The following LRRC1 variants were observed in gnomAD, a reference collection of about 807,000 sequenced individuals.
The protein encoded by LRRC1 is leucine-rich repeat-containing protein 1.
In LRRC1, 28 loss-of-function variants were observed where a neutral mutation model predicts 69.9. The ratio of observed to expected loss-of-function variants is 0.40; its 90% CI spans 0.30 to 0.55. The LOEUF (loss-of-function observed/expected upper bound fraction) is 0.55, where lower values mean the gene tolerates loss of function less well. LRRC1 is among the 20% of genes least tolerant of loss of function. The pLI, the probability that LRRC1 is intolerant of heterozygous loss-of-function variation, is 0.47. For synonymous variants in LRRC1, 236 were observed against 240.2 expected (o/e 0.98, Z 0.16); for missense variants, 498 against 609.0 (o/e 0.82, Z 1.92).
intron 1 of LRRC1, among the ~76,000 whole-genome samples, chr6:53,816,142 T>G (rs1156940852): frequency 1.3e-5 from 2 of 152,230 alleles, no homozygotes; most frequent in African/African-American, 4.8e-5. Flanking sequence ...AGAGGCACTT[T>G]TTAAAAAAGT....
chr6:53,921,880 A>C (rs984534356), intron 13 of LRRC1, among the ~76,000 whole-genome samples: 4 of 152,182 alleles, frequency 2.6e-5, no homozygotes, highest in Non-Finnish European at 4.4e-5. Flanking sequence ...TGCTTACCTC[A>C]AGACTTCTTA....
intron 2 of LRRC1, among the ~76,000 whole-genome samples, chr6:53,863,878 T>C (rs1258140924): frequency 6.6e-6 from 1 of 152,170 alleles, no homozygotes; most frequent in Non-Finnish European, 1.5e-5. Flanking sequence ...TAAACAACAG[T>C]CCTTTTAAGT....
intron 6 of LRRC1, among the ~76,000 whole-genome samples, 168 bp from the exon 7 acceptor site, chr6:53,897,117 G>A: frequency 6.6e-6 from 1 of 152,196 alleles, no homozygotes; most frequent in South Asian, 2.1e-4. Flanking sequence ...TGGCATTCTT[G>A]GGGAAAGTTT....
At chr6:53,853,110 G>A (rs1766192335) in intron 2 of LRRC1, among the ~76,000 whole-genome samples, 1 of 152,072 alleles carries the variant, frequency 6.6e-6, no homozygotes, top group South Asian at 2.1e-4. Context: ...TCTTCCTCTA[G>A]TTGAGTGTCT....
At chr6:53,810,161 C>G (rs1360291413) in intron 1 of LRRC1, among the ~76,000 whole-genome samples, 1 of 152,206 alleles carries the variant, frequency 6.6e-6, no homozygotes, top group Non-Finnish European at 1.5e-5. Flanking sequence ...GGCAGGCAGA[C>G]AGTGAGAGCC....
intron 2 of LRRC1, among the ~76,000 whole-genome samples, chr6:53,866,693 T>C (rs1437558928): frequency 6.6e-6 from 1 of 152,168 alleles, no homozygotes; most frequent in East Asian, 1.9e-4. Flanking sequence ...GAAATAATTA[T>C]GAAACATTTT....
At chr6:53,823,218 T>C (rs79629774) in intron 1 of LRRC1, among the ~76,000 whole-genome samples, 8,266 of 152,264 alleles carry the variant, frequency 0.054, 301 homozygotes, top group Non-Finnish European at 0.079. Context: ...TAAGCTCCTA[T>C]TAGTATGGAC....
chr6:53,912,510 G>T (rs1768444212), intron 10 of LRRC1, among the ~76,000 whole-genome samples: 1 of 151,916 alleles, frequency 6.6e-6, no homozygotes. Context: ...TACATATCTG[G>T]GTGCTTTCCA....
chr6:53,922,290 C>A (rs957400766), intron 13 of LRRC1, among the ~76,000 whole-genome samples: 5 of 152,006 alleles, frequency 3.3e-5, no homozygotes, highest in Admixed American at 6.6e-5. Context: ...TTATCTTTTT[C>A]TTTCCCCACA....
intron 4 of LRRC1, 100 bp from the exon 5 acceptor site, chr6:53,896,397 AT>A: frequency 1.1e-6 from 1 of 936,708 alleles, no homozygotes; most frequent in Non-Finnish European, 1.7e-6. Context: ...ACTAGGTTTT[AT>A]TAAGTGTTGC....
chr6:53,908,333 T>A (rs1768303442), intron 10 of LRRC1, among the ~76,000 whole-genome samples: 2 of 152,202 alleles, frequency 1.3e-5, no homozygotes, highest in Non-Finnish European at 2.9e-5. Flanking sequence ...CATTTGCAGA[T>A]CATTCATCAA....
intron 1 of LRRC1, among the ~76,000 whole-genome samples, chr6:53,801,199 G>C (rs1429777072): frequency 1.3e-5 from 2 of 152,152 alleles, no homozygotes; most frequent in Non-Finnish European, 2.9e-5. Context: ...GCGCACATTG[G>C]TGTCAGCAAG....
rs149976832 is a variant in LRRC1 at position 53,875,824 on chromosome 6, T to A, written c.278-3169T>A. On this transcript the variant is annotated intron_variant, in intron 2 of 13. Coordinates refer to ENST00000370888, the MANE Select transcript of LRRC1 (RefSeq NM_018214.5). Reference sequence around the variant, plus strand: ...GTACATAGTGATGCTTTGATACATATAATGTACTGTGTAATTACAAGGTAA... The same window carrying A: ...GTACATAGTGATGCTTTGATACATAAAATGTACTGTGTAATTACAAGGTAA... 2.7e-3 allele frequency among the ~76,000 whole-genome samples: 405 copies of A among 152,328 alleles called. 4 individuals are homozygous for A. In the East Asian group the frequency reaches 0.041, roughly 15 times the overall value.
chr6:53,849,611 C>T (rs1418562013), intron 2 of LRRC1, among the ~76,000 whole-genome samples: 1 of 152,224 alleles, frequency 6.6e-6, no homozygotes, highest in Non-Finnish European at 1.5e-5. Context: ...CAGCGCTCTC[C>T]TCTTACTGAG....
At chr6:53,902,819 A>G in intron 9 of LRRC1, 72 bp downstream of exon 9, 1 of 930,094 alleles carries the variant, frequency 1.1e-6, no homozygotes, top group Non-Finnish European at 1.6e-6. Context: ...ATTTGAGTGG[A>G]CTAAATGGAA....
chr6:53,857,036 C>G (rs1047285363), intron 2 of LRRC1, among the ~76,000 whole-genome samples: 2 of 152,128 alleles, frequency 1.3e-5, no homozygotes, highest in Non-Finnish European at 2.9e-5. Context: ...ATGAGTTTAT[C>G]TGTGGACATG....
At position 53,812,358 on chromosome 6, in the gene LRRC1, T is replaced by A. The variant is rs181929488; in HGVS notation, c.159+16943T>A. Among the ~76,000 whole-genome samples, 94 of 152,176 alleles carry A rather than the reference T, an allele frequency of 6.2e-4. 2 individuals are homozygous for A. Among genetic ancestry groups the A allele is most frequent in the African/African-American group, 2.1e-3 (88 of 41,514 alleles). ...GGTTGGGGGAGTGAAGGATAACAGT[T>A]GAATTATTGGTTTGAGTGACTGGGT... is the stretch of plus-strand genomic sequence containing the variant. On this transcript the variant is annotated intron_variant, in intron 1 of 13. Coordinates refer to ENST00000370888, the MANE Select transcript of LRRC1 (RefSeq NM_018214.5).
chr6:53,807,659 T>G (rs1764670680), intron 1 of LRRC1, among the ~76,000 whole-genome samples: 1 of 148,564 alleles, frequency 6.7e-6, no homozygotes, highest in African/African-American at 2.5e-5. Flanking sequence ...GCAGAAGAAT[T>G]GCTTGAACCC....
intron 1 of LRRC1, among the ~76,000 whole-genome samples, chr6:53,832,414 AG>A (rs1461782998): frequency 4.6e-5 from 7 of 152,170 alleles, no homozygotes; most frequent in Admixed American, 2.6e-4. Context: ...TGTTGCTATT[AG>A]TTTGGATAAA....
Sources: gnomAD v4.1 joint callset for allele counts (sites outside exome capture counted in the v4.1 genomes callset) on GRCh38, gnomAD v4.1.1 for gene constraint, MANE v1.5 for transcripts, NCBI Gene and HGNC (gene_info 2026-07-23, HGNC 2026-07-21) for gene names.